The following NUDT8 variants were observed in gnomAD, a reference collection of about 807,000 sequenced individuals.
NUDT8 encodes mitochondrial coenzyme A diphosphatase NUDT8.
NUDT8 carries 14 observed loss-of-function variants against 12.5 expected under a neutral mutation model. That is an observed-to-expected ratio of 1.12 (90% CI 0.74 to 1.75). The LOEUF is 1.75. Among genes scored for constraint, NUDT8 ranks in the 40% most tolerant of loss-of-function variants. The pLI is 0.00. For missense variants in NUDT8, 337 were observed against 318.5 expected (o/e 1.06, Z -0.44); for synonymous variants, 163 against 156.2 (o/e 1.04, Z -0.33).
rs754111480 is a variant in NUDT8, at chr11:67,628,980, T to C, written c.266A>G (p.Glu89Gly). 1 of 1,612,840 alleles carries C rather than the reference T, an allele frequency of 6.2e-7. No homozygotes were observed. The highest frequency in any genetic ancestry group is 1.7e-5 in the Admixed American group (1 of 60,012). The change falls in exon 2 of 4, where the codon GAG (glutamate) becomes GGG (glycine). Residue 89 changes from glutamate to glycine, a missense_variant. By Grantham distance (98) the Glu-to-Gly change is moderately conservative. Transcript: ENST00000376693. Reference sequence around the variant, plus strand: ...CTCCTCGGGCACTGCCAGGCCCAGCTCCTCCCGGGTTTCCCGCAGGGCCGT... The same window carrying C: ...CTCCTCGGGCACTGCCAGGCCCAGCCCCTCCCGGGTTTCCCGCAGGGCCGT... ...VHTALRETREELGLAVPEEHV... is the reference protein window; with the variant it reads ...VHTALRETREGLGLAVPEEHV...
At position 67,628,315 on chromosome 11, in the gene NUDT8, C is replaced by T. The variant is rs770381537; in HGVS notation, c.405+8G>A. 22 of 1,613,850 alleles carry T rather than the reference C, an allele frequency of 1.4e-5. No homozygotes were observed. The highest frequency in any genetic ancestry group is 1.6e-5 in the Non-Finnish European group (19 of 1,179,990). On this transcript the variant is annotated splice_region_variant and intron_variant, in intron 3 of 3. Transcript: ENST00000376693. ...AACAGCCCAACCCCCTCATATCCCC[C>T]AGCTCACCTCCTCCGAGTTGGGCCT...
Position 67,629,504 on chromosome 11 carries a change from G to A in NUDT8, c.194+214C>T, listed in dbSNP as rs1217442605. On this transcript the variant is annotated intron_variant, in intron 1 of 3. Transcript: ENST00000376693. The stretch of plus-strand genomic sequence containing the variant: ...AGGACGCGTACGAGGGGCCCACGCG[G>A]CGAGGACGTGGCGCCCCGGCAGGTG... 5 of 403,070 alleles carry A rather than the reference G, an allele frequency of 1.2e-5. No homozygotes were observed. The South Asian group carries it at 2.2e-4, about 18-fold the overall frequency. 25.0% of individuals were successfully genotyped at this position (403,070 alleles called of 1,614,324 possible). A position where few individuals can be genotyped will look rare whatever the true frequency, so the allele number is the denominator to read the frequency against.
At chr11:67,628,300 C>T (rs1163463528) in intron 3 of NUDT8, 23 bp downstream of exon 3, 2 of 1,613,828 alleles carry the variant, frequency 1.2e-6, no homozygotes, top group African/African-American at 1.3e-5. Context: ...AACAGCCCAA[C>T]CCCCTCATAT....
rs561679142 is a variant in NUDT8, at chr11:67,628,254, G to A, written c.406-3C>T. On this transcript the variant is annotated splice_region_variant and splice_polypyrimidine_tract_variant and intron_variant, in intron 3 of 3. Transcript: ENST00000376693. ...GGCAGTGCAAACACCTCATCTACCT[G>A]CAGGCAGGAGGCAGAGAGGGTAGAC... The A allele has an allele frequency of 1.7e-5, 27 of 1,613,036 alleles. No homozygotes were observed. The South Asian group carries it at 2.5e-4, about 15-fold the overall frequency.
At position 67,628,035 on chromosome 11, in the gene NUDT8, A is replaced by T. The variant is rs1855141592; in HGVS notation, c.622T>A (p.Ser208Thr). 2.5e-6 allele frequency: 4 copies of T among 1,598,322 alleles called. No individual in the cohort carries two copies. Among genetic ancestry groups the T allele is most frequent in the Non-Finnish European group, 3.4e-6 (4 of 1,179,770 alleles). Residue 208 changes from serine to threonine, a missense_variant, in exon 4 of 4, where the codon TCA (serine) becomes ACA (threonine). Coordinates refer to ENST00000376693, the MANE Select transcript of NUDT8 (RefSeq NM_001243750.2). Reference sequence around the variant, plus strand: ...GGGCGGGCCAGACCCTCAGCCCCTGAGCAGGTCAGGCCGGCCAGGCGGGGC... The same window carrying T: ...GGGCGGGCCAGACCCTCAGCCCCTGTGCAGGTCAGGCCGGCCAGGCGGGGC... Reference protein sequence around the residue: ...YQPRLAGLTCSGAEGLARPKQ... With the variant: ...YQPRLAGLTCTGAEGLARPKQ...
At position 67,629,850 on chromosome 11, in the gene NUDT8, GC is replaced by G. The variant is rs1354978137; in HGVS notation, c.61del (p.Ala21ProfsTer36). 1.6e-6 allele frequency: 2 copies of G among 1,267,644 alleles called. No individual in the cohort carries two copies. The highest frequency in any genetic ancestry group is 3.1e-5 in the East Asian group (1 of 31,760). The allele number at this position is 1,267,644 out of a possible 1,614,324, so 78.5% of individuals were successfully genotyped here. On this transcript the variant is annotated frameshift_variant, in exon 1 of 4. Transcript: ENST00000376693. LOFTEE classifies it high-confidence loss of function. ...GGGCCGCGCGCGGAGCCGGGCCGTG[GC>G]CCCTGCCAGCAGCCGGCGGCAGCGC... ...ELRCRRLLAG[A>X]TARLRARPAS...
chr11:67,628,358 G>C lies in NUDT8; in HGVS notation c.370C>G (p.Leu124Val), dbSNP rs1435008874. ...TTGGGCCTGAGGCTCTGGGGATCCA[G>C]TGGGCCTACACCAGCAAGCACTGGC... The part of the protein sequence containing the change: ...VVPVLAGVGP[L>V]DPQSLRPNSE... The change falls in exon 3 of 4, where the codon CTG becomes GTG. Residue 124 changes from leucine to valine, a missense_variant. Coordinates refer to ENST00000376693, the MANE Select transcript of NUDT8 (RefSeq NM_001243750.2). 6.2e-7 allele frequency: 1 copy of C among 1,613,824 alleles called. No homozygotes were observed. Among genetic ancestry groups the C allele is most frequent in the South Asian group, 1.1e-5 (1 of 91,086 alleles).
chr11:67,628,031 CCT>C lies in NUDT8; in HGVS notation c.624_625del (p.Ala210Ter). ...CTTAGGGCGGGCCAGACCCTCAGCC[CCT>C]GAGCAGGTCAGGCCGGCCAGGCGGG... On this transcript the variant is annotated frameshift_variant, in exon 4 of 4. Coordinates refer to ENST00000376693, the MANE Select transcript of NUDT8 (RefSeq NM_001243750.2). LOFTEE classifies it low-confidence loss of function (END_TRUNC). 1 of 1,598,338 alleles carries C rather than the reference CCT, an allele frequency of 6.3e-7. No individual in the cohort carries two copies. The highest frequency in any genetic ancestry group is 8.5e-7 in the Non-Finnish European group (1 of 1,179,772).
chr11:67,628,296 C>T (rs573587801), intron 3 of NUDT8, 27 bp downstream of exon 3: 1 of 1,613,664 alleles, frequency 6.2e-7, no homozygotes, highest in African/African-American at 1.3e-5. Flanking sequence ...CTGGAACAGC[C>T]CAACCCCCTC....
At chr11:67,628,299 A>T in intron 3 of NUDT8, 24 bp downstream of exon 3, 1 of 1,613,730 alleles carries the variant, frequency 6.2e-7, no homozygotes, top group South Asian at 1.1e-5. Flanking sequence ...GAACAGCCCA[A>T]CCCCCTCATA....
At chr11:67,629,479 A>C in intron 1 of NUDT8, 1 of 403,000 alleles carries the variant, frequency 2.5e-6, no homozygotes, top group Non-Finnish European at 4.4e-6. Flanking sequence ...CGTGCGCGCA[A>C]GGACGCGTAC....
Position 67,628,000 on chromosome 11 carries a change from G to T in NUDT8, c.657C>A (p.Pro219=). The T allele has an allele frequency of 1.9e-6, 3 of 1,597,582 alleles. No individual in the cohort carries two copies. Among genetic ancestry groups the T allele is most frequent in the Non-Finnish European group, 2.5e-6 (3 of 1,179,300 alleles). ...GAEGLARPKQ[P]LASPCQASST... ...AGCTGGCCTGACAGGGTGAAGCCAG[G>T]GGCTGCTTAGGGCGGGCCAGACCCT... The change falls in exon 4 of 4, where the codon CCC becomes CCA. Residue 219 remains proline, a synonymous_variant. Coordinates refer to ENST00000376693, the MANE Select transcript of NUDT8 (RefSeq NM_001243750.2).
Position 67,628,038 on chromosome 11 carries a change from A to G in NUDT8, c.619T>C (p.Cys207Arg). 5 of 1,598,378 alleles carry G rather than the reference A, an allele frequency of 3.1e-6. No homozygotes were observed. Among genetic ancestry groups the G allele is most frequent in the African/African-American group, 1.3e-5 (1 of 75,064 alleles). Residue 207 changes from cysteine to arginine, a missense_variant, in exon 4 of 4, where the codon TGC (cysteine) becomes CGC (arginine). Cys to Arg is a radical substitution (Grantham distance 180). Coordinates refer to ENST00000376693, the MANE Select transcript of NUDT8 (RefSeq NM_001243750.2). ...TYQPRLAGLTCSGAEGLARPK... is the reference protein window; with the variant it reads ...TYQPRLAGLTRSGAEGLARPK... ...CGGGCCAGACCCTCAGCCCCTGAGC[A>G]GGTCAGGCCGGCCAGGCGGGGCTGG...
Position 67,628,936 on chromosome 11 carries a change from G to T in NUDT8, c.310C>A (p.Arg104=). Residue 104 remains arginine, a synonymous_variant, in exon 2 of 4, where the codon CGG becomes AGG. Coordinates refer to ENST00000376693, the MANE Select transcript of NUDT8 (RefSeq NM_001243750.2). ...TGGCTTACCGGATCATACACAGGCC[G>T]CAGCAGGCCCCACACGTGCTCCTCG... The part of the protein sequence containing the change: ...VPEEHVWGLL[R]PVYDPQKATV... 3 of 1,611,016 alleles carry T rather than the reference G, an allele frequency of 1.9e-6. No homozygotes were observed. Among genetic ancestry groups the T allele is most frequent in the Non-Finnish European group, 2.5e-6 (3 of 1,178,742 alleles).
At position 67,629,778 on chromosome 11, in the gene NUDT8, G is replaced by A. The variant is rs1227679056; in HGVS notation, c.134C>T (p.Pro45Leu). 5 of 1,536,526 alleles carry A rather than the reference G, an allele frequency of 3.3e-6. No individual in the cohort carries two copies. The highest frequency in any genetic ancestry group is 5.4e-5 in the East Asian group (2 of 37,272). ...GGACCGCAGCGTGTACAGCAGCGCCGGGACCCCACGCACTGAGCAGAGCGG... is the reference window on the plus strand; with the variant it reads ...GGACCGCAGCGTGTACAGCAGCGCCAGGACCCCACGCACTGAGCAGAGCGG... ...LVPLCSVRGV[P>L]ALLYTLRSSR... Residue 45 changes from proline (P) to leucine (L), a missense_variant, in exon 1 of 4, where the codon CCG (proline) becomes CTG (leucine). Physicochemically the swap from Pro to Leu is moderately conservative, Grantham distance 98. Coordinates refer to ENST00000376693, the MANE Select transcript of NUDT8 (RefSeq NM_001243750.2).
chr11:67,628,452 G>A, intron 2 of NUDT8, 52 bp from the exon 3 acceptor site: 1 of 1,508,466 alleles, frequency 6.6e-7, no homozygotes, highest in African/African-American at 1.4e-5. Context: ...TGGGTTTGAA[G>A]GCTGGGGAGG....
Position 67,629,820 on chromosome 11 carries a change from G to A in NUDT8, c.92C>T (p.Ser31Leu), listed in dbSNP as rs1286838669. 3 of 1,399,526 alleles carry A rather than the reference G, an allele frequency of 2.1e-6. No homozygotes were observed. Among genetic ancestry groups the A allele is most frequent in the Non-Finnish European group, 1.9e-6 (2 of 1,077,438 alleles). The allele number at this position is 1,399,526 out of a possible 1,614,324, so 86.7% of individuals were successfully genotyped here. Residue 31 changes from serine to leucine, a missense_variant, in exon 1 of 4, where the codon TCG becomes TTG. By Grantham distance (145) the Ser-to-Leu change is moderately radical. Transcript: ENST00000376693. ...ATARLRARPASAAVLVPLCSV... is the reference protein window; with the variant it reads ...ATARLRARPALAAVLVPLCSV... ...GCAGAGCGGCACGAGCACCGCGGCCGACGCGGGCCGCGCGCGGAGCCGGGC... is the reference window on the plus strand; with the variant it reads ...GCAGAGCGGCACGAGCACCGCGGCCAACGCGGGCCGCGCGCGGAGCCGGGC...
rs1310851624 is a variant in NUDT8, at chr11:67,628,026, C to T, written c.631G>A (p.Glu211Lys). 6.3e-7 allele frequency: 1 copy of T among 1,598,316 alleles called. No individual in the cohort carries two copies. Among genetic ancestry groups the T allele is most frequent in the Non-Finnish European group, 8.5e-7 (1 of 1,179,770 alleles). Residue 211 changes from glutamate to lysine, a missense_variant, in exon 4 of 4, where the codon GAG becomes AAG. Transcript: ENST00000376693. ...GGCTGCTTAGGGCGGGCCAGACCCTCAGCCCCTGAGCAGGTCAGGCCGGCC... is the reference window on the plus strand; with the variant it reads ...GGCTGCTTAGGGCGGGCCAGACCCTTAGCCCCTGAGCAGGTCAGGCCGGCC... ...RLAGLTCSGA[E>K]GLARPKQPLA...
At chr11:67,629,410 C>G (rs1855168502) in intron 1 of NUDT8, 1 of 385,140 alleles carries the variant, frequency 2.6e-6, no homozygotes, top group Non-Finnish European at 4.6e-6. Flanking sequence ...TAGTCGCCGG[C>G]AGGGGGCGGC....
Sources: gnomAD v4.1 joint callset for allele counts on GRCh38, gnomAD v4.1.1 for gene constraint, MANE v1.5 for transcripts, NCBI Gene and HGNC (gene_info 2026-07-23, HGNC 2026-07-21) for gene names.